KALRN: variants seen among roughly 807,000 people sequenced by gnomAD.
KALRN encodes the protein kalirin RhoGEF kinase.
KALRN carries 70 observed loss-of-function variants against 353.7 expected under a neutral mutation model. The ratio of observed to expected loss-of-function variants is 0.20; its 90% CI spans 0.16 to 0.24. The LOEUF (loss-of-function observed/expected upper bound fraction) is 0.24. KALRN is among the 10% of genes least tolerant of loss of function. The probability of loss-of-function intolerance (pLI) is 1.00; values close to 1 mark genes in which losing one functional copy is unlikely to be tolerated. For missense variants in KALRN, 2,791 were observed against 3,756.7 expected (o/e 0.74, Z 6.72); for synonymous variants, 1,391 against 1,434.8 (o/e 0.97, Z 0.69).
intron 25 of KALRN, 105 bp from the exon 26 acceptor site, chr3:124,474,558 C>G: frequency 1.2e-6 from 1 of 840,626 alleles, no homozygotes; most frequent in Non-Finnish European, 2.0e-6. Context: ...GTAGAGAAGC[C>G]ATGTATAAAT....
intron 11 of KALRN, among the ~76,000 whole-genome samples, chr3:124,387,321 G>C (rs74327502): frequency 1.3e-5 from 2 of 152,216 alleles, no homozygotes; most frequent in Non-Finnish European, 2.9e-5. Flanking sequence ...AGAAGGAGTG[G>C]TGTGATACAG....
Position 124,347,137 on chromosome 3 carries a change from G to T in KALRN, c.1648-6G>T. 1 of 1,613,934 alleles carries T rather than the reference G, an allele frequency of 6.2e-7. No individual in the cohort carries two copies. The highest frequency in any genetic ancestry group is 1.1e-5 in the South Asian group (1 of 91,032). ...GTCATTGTTGCTGTTATCCTTCTTT[G>T]ACCAGGTGTTGGACTGGATTGAAAA... On this transcript the variant is annotated splice_region_variant and splice_polypyrimidine_tract_variant and intron_variant, in intron 9 of 59. Coordinates refer to ENST00000682506, the MANE Select transcript of KALRN (RefSeq NM_001388419.1).
intron 31 of KALRN, among the ~76,000 whole-genome samples, chr3:124,491,986 A>G (rs963770918): frequency 2.0e-5 from 3 of 152,102 alleles, no homozygotes; most frequent in Non-Finnish European, 2.9e-5. Flanking sequence ...GGCCTTGAGG[A>G]GTCATTGCAG....
At chr3:124,691,851 G>A (rs897983180) in intron 51 of KALRN, among the ~76,000 whole-genome samples, 39 of 152,300 alleles carry the variant, frequency 2.6e-4, no homozygotes, top group Non-Finnish European at 1.3e-4. Context: ...TTTGAGTGGA[G>A]CAACCCTTTA....
At chr3:124,167,486 G>C (rs2071062081) in intron 1 of KALRN, among the ~76,000 whole-genome samples, 1 of 152,192 alleles carries the variant, frequency 6.6e-6, no homozygotes, top group Non-Finnish European at 1.5e-5. Flanking sequence ...GAAATAAAGG[G>C]GTTGAGCTAG....
At chr3:124,549,762 G>T (rs1448215220) in intron 33 of KALRN, among the ~76,000 whole-genome samples, 1 of 152,110 alleles carries the variant, frequency 6.6e-6, no homozygotes, top group Non-Finnish European at 1.5e-5. Flanking sequence ...GGAATTGAGA[G>T]TTGTACTTGA....
chr3:124,707,040 G>C (rs2062651917), intron 57 of KALRN, among the ~76,000 whole-genome samples: 1 of 151,308 alleles, frequency 6.6e-6, no homozygotes, highest in African/African-American at 2.4e-5. Flanking sequence ...GATGAGAGTG[G>C]AAAGACAAAA....
At chr3:124,533,776 A>G (rs1278126319) in intron 33 of KALRN, among the ~76,000 whole-genome samples, 1 of 152,214 alleles carries the variant, frequency 6.6e-6, no homozygotes, top group African/African-American at 2.4e-5. Flanking sequence ...TGAGCCATGC[A>G]CTTTACTCTC....
At chr3:124,615,895 G>C (rs1450205333) in intron 34 of KALRN, among the ~76,000 whole-genome samples, 3 of 152,122 alleles carry the variant, frequency 2.0e-5, no homozygotes, top group Non-Finnish European at 4.4e-5. Context: ...CTTGTCTACT[G>C]CTTTTTCCTA....
At chr3:124,527,241 G>A (rs1361969001) in intron 33 of KALRN, among the ~76,000 whole-genome samples, 2 of 152,084 alleles carry the variant, frequency 1.3e-5, no homozygotes, top group South Asian at 2.1e-4. Context: ...AGTGTCGGGG[G>A]AAATGGAGAG....
chr3:124,416,367 A>G lies in KALRN; in HGVS notation c.2542+2702A>G, dbSNP rs549237785. 3.3e-5 allele frequency among the ~76,000 whole-genome samples: 5 copies of G among 152,318 alleles called. 1 individual carries two copies. Among genetic ancestry groups the G allele is most frequent in the Non-Finnish European group, 7.4e-5 (5 of 68,016 alleles). ...GCTGTGCTTGGTGTCCACCTAAACT[A>G]TGAGGGCTGAGTGGGGTGAAAACAC... On this transcript the variant is annotated intron_variant, in intron 14 of 59. Coordinates refer to ENST00000682506, the MANE Select transcript of KALRN (RefSeq NM_001388419.1).
chr3:124,496,020 CAT>C (rs2063802929), intron 32 of KALRN, among the ~76,000 whole-genome samples: 2 of 61,372 alleles, frequency 3.3e-5, no homozygotes, highest in East Asian at 1.2e-3. Context: ...TATACACACA[CAT>C]ATATACATAC....
rs367991161 is a variant in KALRN at position 124,528,511 on chromosome 3, C to T, written c.4935+32098C>T. On this transcript the variant is annotated intron_variant, in intron 33 of 59. Transcript: ENST00000682506. ...CAGCAGACTCGAGAGTTAAGGAGAACCTGGCTCTCTCCTCCCAACTGCCTC... is the reference window on the plus strand; with the variant it reads ...CAGCAGACTCGAGAGTTAAGGAGAATCTGGCTCTCTCCTCCCAACTGCCTC... 1.6e-4 allele frequency among the ~76,000 whole-genome samples: 24 copies of T among 152,210 alleles called. No homozygotes were observed. The South Asian group carries it at 4.4e-3, about 28-fold the overall frequency.
intron 34 of KALRN, among the ~76,000 whole-genome samples, chr3:124,629,816 C>G (rs73193706): frequency 1.5e-4 from 2 of 13,274 alleles, no homozygotes; most frequent in South Asian, 1.4e-3. Context: ...CTCTCTCTGT[C>G]TCTCTCTCTC....
chr3:124,654,404 G>A (rs2083764969), intron 38 of KALRN, among the ~76,000 whole-genome samples: 1 of 152,150 alleles, frequency 6.6e-6, no homozygotes, highest in Non-Finnish European at 1.5e-5. Flanking sequence ...TTGCTTCCTG[G>A]GTTAAAAATG....
chr3:124,214,795 C>T (rs111410935), intron 1 of KALRN, among the ~76,000 whole-genome samples: 9,448 of 152,274 alleles, frequency 0.062, 286 homozygotes, highest in Middle Eastern at 0.088. Flanking sequence ...ACCTCTCTAG[C>T]TTTTGTTTCT....
intron 11 of KALRN, among the ~76,000 whole-genome samples, chr3:124,387,321 G>A (rs74327502): frequency 5.3e-5 from 8 of 152,216 alleles, no homozygotes; most frequent in Non-Finnish European, 1.0e-4. Context: ...AGAAGGAGTG[G>A]TGTGATACAG....
chr3:124,697,565 C>A, intron 54 of KALRN, 28 bp from the exon 55 acceptor site: 2 of 1,560,892 alleles, frequency 1.3e-6, no homozygotes, highest in Non-Finnish European at 1.7e-6. Flanking sequence ...GCAGAAATAG[C>A]ACCTGATCCT....
chr3:124,212,005 T>C (rs777857714), intron 1 of KALRN, among the ~76,000 whole-genome samples: 28 of 152,094 alleles, frequency 1.8e-4, no homozygotes, highest in African/African-American at 6.8e-4. Context: ...ATTCAGAACA[T>C]GCAAATAAAT....
Sources: allele counts gnomAD v4.1 joint callset (sites outside exome capture counted in the v4.1 genomes callset), GRCh38; gene constraint gnomAD v4.1.1; transcripts MANE v1.5; gene names NCBI Gene and HGNC (gene_info 2026-07-23, HGNC 2026-07-21).